NECAB2: variants seen among roughly 807,000 people sequenced by gnomAD.
NECAB2 encodes N-terminal EF-hand calcium binding protein 2.
A neutral mutation model predicts 51.9 loss-of-function variants in NECAB2; 68 were observed. That is an observed-to-expected ratio of 1.31 (90% confidence interval 1.08 to 1.60). NECAB2 has a LOEUF of 1.60. Among genes scored for constraint, NECAB2 ranks in the 40% most tolerant of loss-of-function variants. The pLI is 0.00. For missense variants in NECAB2, 854 were observed against 490.3 expected (o/e 1.74, Z -7.00); for synonymous variants, 329 against 203.5 (o/e 1.62, Z -5.25).
chr16:83,970,883 A>G (rs1372085258), intron 1 of NECAB2, among the ~76,000 whole-genome samples: 1 of 152,202 alleles, frequency 6.6e-6, no homozygotes, highest in Non-Finnish European at 1.5e-5. Flanking sequence ...ACCTGAGGTC[A>G]GGGGTTCGAG....
intron 8 of NECAB2, among the ~76,000 whole-genome samples, chr16:83,995,175 A>G (rs577170658): frequency 1.3e-5 from 2 of 152,352 alleles, no homozygotes; most frequent in African/African-American, 4.8e-5. Flanking sequence ...AGAAAATGGC[A>G]CAGCCCTTAC....
In NECAB2 at chr16:83,994,615, A is replaced by T. The variant is rs750623339; in HGVS notation, c.722A>T (p.Glu241Val). ...GTCTCTTTCTCTACCGCAGCCACGG[A>T]GGATGCAAAGGAAGAGGGTCTGGAA... Reference protein sequence around the residue: ...EQGKTLPSATEDAKEEGLEAQ... With the variant: ...EQGKTLPSATVDAKEEGLEAQ... Residue 241 changes from glutamate (E) to valine (V), a missense_variant, in exon 8 of 13, where the codon GAG becomes GTG. By Grantham distance (121) the Glu-to-Val change is moderately radical (BLOSUM62 -2). Coordinates refer to ENST00000305202, the MANE Select transcript of NECAB2 (RefSeq NM_019065.3). 12 of 1,613,948 alleles carry T rather than the reference A, an allele frequency of 7.4e-6. No homozygotes were observed. The highest frequency in any genetic ancestry group is 1.7e-5 in the Admixed American group (1 of 59,992).
chr16:83,974,173 A>G (rs2084379290), intron 2 of NECAB2, among the ~76,000 whole-genome samples: 1 of 152,080 alleles, frequency 6.6e-6, no homozygotes, highest in Non-Finnish European at 1.5e-5. Flanking sequence ...ACCAGGGTGA[A>G]TGTGGGTGTG....
At position 83,997,413 on chromosome 16, in the gene NECAB2, C is replaced by G. The variant is rs944153583; in HGVS notation, c.849+144C>G. ...GAGATGTCGCCCAGCGCTTGGCACC[C>G]AGACCCTGCCCTGGCACAGGAGCCA... On this transcript the variant is annotated intron_variant, in intron 9 of 12. Coordinates refer to ENST00000305202, the MANE Select transcript of NECAB2 (RefSeq NM_019065.3). 1.5e-5 allele frequency: 15 copies of G among 1,029,492 alleles called. No individual in the cohort carries two copies. In the African/African-American group the frequency reaches 1.9e-4, roughly 13 times the overall value. 63.8% of individuals were successfully genotyped at this position (1,029,492 alleles called of 1,614,324 possible).
At chr16:83,995,056 C>T (rs779601347) in intron 8 of NECAB2, among the ~76,000 whole-genome samples, 3 of 152,080 alleles carry the variant, frequency 2.0e-5, no homozygotes, top group Non-Finnish European at 2.9e-5. Context: ...CGAAAGGCAG[C>T]ACCAGGATGA....
intron 2 of NECAB2, among the ~76,000 whole-genome samples, chr16:83,977,237 C>G (rs969369235): frequency 6.6e-6 from 1 of 152,106 alleles, no homozygotes; most frequent in African/African-American, 2.4e-5. Context: ...GTCATGGGCT[C>G]CCTCTTGTCT....
chr16:83,987,332 T>C (rs76379327), intron 5 of NECAB2, among the ~76,000 whole-genome samples: 1,766 of 152,356 alleles, frequency 0.012, 16 homozygotes, highest in Non-Finnish European at 0.019. Flanking sequence ...TCATACTAAA[T>C]TGCGTTTTGT....
intron 6 of NECAB2, chr16:83,993,333 C>T (rs943790308): frequency 2.6e-5 from 4 of 152,244 alleles, no homozygotes; most frequent in Non-Finnish European, 5.9e-5. Context: ...GCCAGCCTCT[C>T]CCCTCCCAAG....
chr16:83,983,112 G>A (rs1027626168), intron 5 of NECAB2, among the ~76,000 whole-genome samples: 1 of 152,058 alleles, frequency 6.6e-6, no homozygotes, highest in Non-Finnish European at 1.5e-5. Flanking sequence ...GAGGTGATCC[G>A]CCCACCTCGG....
chr16:83,969,186 C>T lies in NECAB2; in HGVS notation c.201+337C>T, dbSNP rs374891082. Reference sequence around the variant, plus strand: ...TCCAAGCCAAACCCCCACCCTTTACCCCGCGGGACCGGAGCCCCTCGCCGC... The same window carrying T: ...TCCAAGCCAAACCCCCACCCTTTACTCCGCGGGACCGGAGCCCCTCGCCGC... On this transcript the variant is annotated intron_variant, in intron 1 of 12. Transcript: ENST00000305202. 6.1e-3 allele frequency among the ~76,000 whole-genome samples: 925 copies of T among 151,950 alleles called. 8 individuals are homozygous for T. The highest frequency in any genetic ancestry group is 0.021 in the African/African-American group (869 of 41,430).
At chr16:83,967,224 C>G (rs1487587178), upstream of NECAB2, among the ~76,000 whole-genome samples, 1 of 152,056 alleles carries the variant, frequency 6.6e-6, no homozygotes, top group South Asian at 2.1e-4. Flanking sequence ...CAGTGTTTGG[C>G]TCTGCCCACT....
rs76056491 is a variant in NECAB2 at position 83,990,758 on chromosome 16, T to G, written c.596+128T>G. 1,311 of 1,228,362 alleles carry G rather than the reference T, an allele frequency of 1.1e-3. 1 individual carries two copies. The highest frequency in any genetic ancestry group is 1.3e-3 in the Non-Finnish European group (1,203 of 899,470). The allele number at this position is 1,228,362 out of a possible 1,614,324, so 76.1% of individuals were successfully genotyped here. A position where few individuals can be genotyped will look rare whatever the true frequency, so the allele number is the denominator to read the frequency against. ...GACCTTGGGCAAGTTGCCACAGCTC[T>G]TTGTGCCTTTGGTGCTCCATTATGT... is the stretch of plus-strand genomic sequence containing the variant. On this transcript the variant is annotated intron_variant, in intron 6 of 12. Coordinates refer to ENST00000305202, the MANE Select transcript of NECAB2 (RefSeq NM_019065.3).
At chr16:83,986,369 C>G (rs180878609) in intron 5 of NECAB2, among the ~76,000 whole-genome samples, 1 of 152,266 alleles carries the variant, frequency 6.6e-6, no homozygotes, top group East Asian at 1.9e-4. Context: ...GGAACTGGCT[C>G]AAAGGAGAAT....
chr16:83,970,861 G>A (rs1331195216), intron 1 of NECAB2, among the ~76,000 whole-genome samples: 1 of 152,204 alleles, frequency 6.6e-6, no homozygotes, highest in Non-Finnish European at 1.5e-5. Context: ...GGGAGGCCGA[G>A]GCGGGTGGAT....
intron 1 of NECAB2, among the ~76,000 whole-genome samples, chr16:83,969,601 A>T (rs1405814361): frequency 6.6e-6 from 1 of 150,414 alleles, no homozygotes; most frequent in East Asian, 2.0e-4. Flanking sequence ...GACCCAAATC[A>T]CCCATCTCTG....
chr16:84,001,233 C>G (rs2084826727), intron 11 of NECAB2, among the ~76,000 whole-genome samples: 1 of 152,100 alleles, frequency 6.6e-6, no homozygotes, highest in African/African-American at 2.4e-5. Context: ...AGGGTGTCAG[C>G]AGCTCTGATG....
At chr16:83,990,417 C>T (rs1214234469) in intron 5 of NECAB2, 77 bp from the exon 6 acceptor site, 3 of 1,552,488 alleles carry the variant, frequency 1.9e-6, no homozygotes, top group African/African-American at 2.7e-5. Flanking sequence ...AGCTTTCCCC[C>T]AACTCCTGTG....
chr16:83,979,066 A>G (rs1030252306), intron 3 of NECAB2, among the ~76,000 whole-genome samples: 4 of 152,190 alleles, frequency 2.6e-5, no homozygotes, highest in Admixed American at 6.5e-5. Context: ...GCATCTCAGA[A>G]TCAGCCAAAA....
At chr16:83,971,795 T>C (rs1343828477) in intron 1 of NECAB2, 1 of 426,884 alleles carries the variant, frequency 2.3e-6, no homozygotes, top group Non-Finnish European at 4.2e-6. Context: ...ATTCGGAGTG[T>C]GGTTGTGTGC....
Sources: gnomAD v4.1 joint callset for allele counts (sites outside exome capture counted in the v4.1 genomes callset) on GRCh38, gnomAD v4.1.1 for gene constraint, MANE v1.5 for transcripts, NCBI Gene and HGNC (gene_info 2026-07-23, HGNC 2026-07-21) for gene names.